Variants in MRPS33 observed in about 807,000 individuals in gnomAD.
The protein encoded by MRPS33 is mitochondrial ribosomal protein S33.
Under a neutral mutation model 11.2 loss-of-function variants are expected in MRPS33, and 11 were observed. The ratio of observed to expected loss-of-function variants is 0.99; its 90% confidence interval spans 0.62 to 1.63. The LOEUF is 1.63. Ranked by LOEUF, MRPS33 falls within the 40% of genes most tolerant of loss-of-function variation. The probability of loss-of-function intolerance (pLI) is 0.00; values close to 1 mark genes in which losing one functional copy is unlikely to be tolerated. For synonymous variants in MRPS33, 46 were observed against 44.0 expected (o/e 1.05, Z -0.18); for missense variants, 109 against 127.8 (o/e 0.85, Z 0.71).
intron 2 of MRPS33, among the ~76,000 whole-genome samples, chr7:141,008,915 C>T (rs772902277): frequency 3.1e-4 from 47 of 151,924 alleles, no homozygotes; most frequent in Non-Finnish European, 4.7e-4. Context: ...CTGCCTCAGC[C>T]TCCCAAGTAG....
chr7:141,011,253 C>A (rs1039411338), intron 1 of MRPS33, among the ~76,000 whole-genome samples: 1 of 152,180 alleles, frequency 6.6e-6, no homozygotes, highest in African/African-American at 2.4e-5. Flanking sequence ...TTGGGAAAAA[C>A]AGACAGTAGC....
intron 2 of MRPS33, chr7:141,009,803 G>GT (rs1284116070): frequency 0.064 from 8,752 of 136,736 alleles, 880 homozygotes; most frequent in African/African-American, 0.21. Flanking sequence ...TCTCTGCATT[G>GT]TTTTTTTTTT....
rs987555239 is a variant in MRPS33, at chr7:141,005,581, AC to A, written c.*848del. 1 of 152,040 alleles carries A rather than the reference AC, an allele frequency of 6.6e-6. No individual in the cohort carries two copies. The highest frequency in any genetic ancestry group is 2.4e-5 in the African/African-American group (1 of 41,364). The allele number at this position is 152,040 out of a possible 1,614,324, so 9.4% of individuals were successfully genotyped here. A position where few individuals can be genotyped will look rare whatever the true frequency, so the allele number is the denominator to read the frequency against. On this transcript the variant is annotated 3_prime_UTR_variant, in exon 3 of 3. Coordinates refer to ENST00000324787, the MANE Select transcript of MRPS33 (RefSeq NM_053035.3). Reference sequence around the variant, plus strand: ...TGGCCAAAATGGTCTCGATCTCTTGACCTTGTGATCCACCCACCTCGGCCTC... The same window carrying A: ...TGGCCAAAATGGTCTCGATCTCTTGACTTGTGATCCACCCACCTCGGCCTC...
Position 141,003,485 on chromosome 7 carries a change from G to A in MRPS33, c.*2945C>T, listed in dbSNP as rs1820453677. ...TTTCATTTCTGATTTTCAGCCTGGAGCAGTGGCACACTAATCTACTTCTGC... is the reference window on the plus strand; with the variant it reads ...TTTCATTTCTGATTTTCAGCCTGGAACAGTGGCACACTAATCTACTTCTGC... On this transcript the variant is annotated 3_prime_UTR_variant, in exon 3 of 3. Coordinates refer to ENST00000324787, the MANE Select transcript of MRPS33 (RefSeq NM_053035.3). 1 of 152,196 alleles carries A rather than the reference G, an allele frequency of 6.6e-6. No individual in the cohort carries two copies. The highest frequency in any genetic ancestry group is 1.5e-5 in the Non-Finnish European group (1 of 68,046). 9.4% of individuals were successfully genotyped at this position (152,196 alleles called of 1,614,324 possible).
chr7:141,010,571 T>G lies in MRPS33; in HGVS notation c.63A>C (p.Glu21Asp), dbSNP rs991251295. The part of the protein sequence containing the change: ...MSRLSARLFG[E>D]VTRPTNSKSM... Reference sequence around the variant, plus strand: ...ACTTGGAATTAGTAGGCCTGGTGACTTCACCAAATAGCCGGGCACTGAGAC... The same window carrying G: ...ACTTGGAATTAGTAGGCCTGGTGACGTCACCAAATAGCCGGGCACTGAGAC... Residue 21 changes from glutamate (E) to aspartate (D), a missense_variant, in exon 2 of 3, where the codon GAA becomes GAC. Glu to Asp is a conservative substitution (Grantham distance 45). Coordinates refer to ENST00000324787, the MANE Select transcript of MRPS33 (RefSeq NM_053035.3). The G allele has an allele frequency of 3.7e-6, 6 of 1,614,184 alleles. No homozygotes were observed. The highest frequency in any genetic ancestry group is 4.2e-6 in the Non-Finnish European group (5 of 1,180,028).
chr7:141,010,751 C>T (rs1265964845), intron 1 of MRPS33, 91 bp from the exon 2 acceptor site: 12 of 927,516 alleles, frequency 1.3e-5, no homozygotes, highest in Non-Finnish European at 1.9e-5. Context: ...ACACAGCAAG[C>T]CACTCATGGA....
chr7:141,014,560 C>T (rs929133653), intron 1 of MRPS33: 1 of 152,164 alleles, frequency 6.6e-6, no homozygotes, highest in African/African-American at 2.4e-5. Flanking sequence ...CCGTATTTTT[C>T]TTAAGGTGGT....
At position 141,006,175 on chromosome 7, in the gene MRPS33, A is replaced by G; in HGVS notation, c.*255T>C. 2.1e-6 allele frequency: 1 copy of G among 486,360 alleles called. No homozygotes were observed. Among genetic ancestry groups the G allele is most frequent in the Admixed American group, 3.6e-5 (1 of 27,422 alleles). 30.1% of individuals were successfully genotyped at this position (486,360 alleles called of 1,614,324 possible). On this transcript the variant is annotated 3_prime_UTR_variant, in exon 3 of 3. Transcript: ENST00000324787. Reference sequence around the variant, plus strand: ...CAAACAAATCATCAAACAATAACTTAGGTATTTATTTCATTAGAGAATCAG... The same window carrying G: ...CAAACAAATCATCAAACAATAACTTGGGTATTTATTTCATTAGAGAATCAG...
At chr7:141,014,009 T>G (rs994219938) in intron 1 of MRPS33, among the ~76,000 whole-genome samples, 1 of 152,198 alleles carries the variant, frequency 6.6e-6, no homozygotes, top group African/African-American at 2.4e-5. Flanking sequence ...TGTGTGTAAA[T>G]TGTTCTGGGA....
rs1472984606 is a variant in MRPS33 at position 141,005,605 on chromosome 7, C to G, written c.*825G>C. On this transcript the variant is annotated 3_prime_UTR_variant, in exon 3 of 3. Coordinates refer to ENST00000324787, the MANE Select transcript of MRPS33 (RefSeq NM_053035.3). ...GACCTTGTGATCCACCCACCTCGGC[C>G]TCCCAAAGTGGTGGGATTACAGGTG... 6.6e-6 allele frequency: 1 copy of G among 152,230 alleles called. No individual in the cohort carries two copies. The highest frequency in any genetic ancestry group is 1.5e-5 in the Non-Finnish European group (1 of 68,052). The allele number at this position is 152,230 out of a possible 1,614,324, so 9.4% of individuals were successfully genotyped here.
intron 1 of MRPS33, among the ~76,000 whole-genome samples, chr7:141,011,361 T>C (rs1315041166): frequency 6.6e-6 from 1 of 152,270 alleles, no homozygotes; most frequent in African/African-American, 2.4e-5. Flanking sequence ...CTCCATCTTA[T>C]ATATTCTGCT....
chr7:141,008,799 TA>T (rs961471162), intron 2 of MRPS33, among the ~76,000 whole-genome samples: 14 of 117,208 alleles, frequency 1.2e-4, no homozygotes, highest in Admixed American at 3.6e-4. Flanking sequence ...ATTAAAAAAA[TA>T]ATTTTTTTTT....
At position 141,005,247 on chromosome 7, in the gene MRPS33, A is replaced by C. The variant is rs184507894; in HGVS notation, c.*1183T>G. The C allele has an allele frequency of 6.6e-6, 1 of 152,298 alleles. No individual in the cohort carries two copies. Among genetic ancestry groups the C allele is most frequent in the Non-Finnish European group, 1.5e-5 (1 of 68,020 alleles). The allele number at this position is 152,298 out of a possible 1,614,324, so 9.4% of individuals were successfully genotyped here. On this transcript the variant is annotated 3_prime_UTR_variant, in exon 3 of 3. Transcript: ENST00000324787. Reference sequence around the variant, plus strand: ...AACAAACTCAGTGTTTCTTGAACAGACAATTTCTTCATACCTTAGGGCTTT... The same window carrying C: ...AACAAACTCAGTGTTTCTTGAACAGCCAATTTCTTCATACCTTAGGGCTTT...
At position 141,006,442 on chromosome 7, in the gene MRPS33, T is replaced by C. The variant is rs1487707705; in HGVS notation, c.309A>G (p.Ala103=). 4 of 1,612,946 alleles carry C rather than the reference T, an allele frequency of 2.5e-6. No homozygotes were observed. The highest frequency in any genetic ancestry group is 3.4e-6 in the Non-Finnish European group (4 of 1,179,940). The change falls in exon 3 of 3, where the codon GCA becomes GCG. Residue 103 remains alanine (A), a synonymous_variant. Coordinates refer to ENST00000324787, the MANE Select transcript of MRPS33 (RefSeq NM_053035.3). ...TGAGGGACCAACACTATTTCCTTTT[T>C]GCTGCTCTTTTCCCTTCTCCTTTCT... ...KPKKGEGKRA[A]KRK is the part of the protein sequence containing the mutation.
Position 141,010,651 on chromosome 7 carries a change from G to A in MRPS33, c.-18C>T, listed in dbSNP as rs914859038. The stretch of plus-strand genomic sequence containing the variant: ...GAGGACATTTCTTGAGTGGCAAGGA[G>A]TTAGAGTTCCTATTGAAAATGAGAA... On this transcript the variant is annotated 5_prime_UTR_variant, in exon 2 of 3. Coordinates refer to ENST00000324787, the MANE Select transcript of MRPS33 (RefSeq NM_053035.3). 43 of 1,604,734 alleles carry A rather than the reference G, an allele frequency of 2.7e-5. No individual in the cohort carries two copies. The highest frequency in any genetic ancestry group is 3.3e-5 in the Non-Finnish European group (39 of 1,171,814).
At chr7:141,012,069 G>A (rs977940730) in intron 1 of MRPS33, among the ~76,000 whole-genome samples, 2 of 151,444 alleles carry the variant, frequency 1.3e-5, no homozygotes, top group Non-Finnish European at 2.9e-5. Flanking sequence ...ACTCGTGGAG[G>A]CTGAGGAGGG....
chr7:141,006,355 T>C lies in MRPS33; in HGVS notation c.*75A>G, dbSNP rs752501566. On this transcript the variant is annotated 3_prime_UTR_variant, in exon 3 of 3. Transcript: ENST00000324787. ...ATTTAGGAAGATGACATTCCTCCAA[T>C]AGGTGGAAAGACAATAAATGCACTT... 45 of 1,227,352 alleles carry C rather than the reference T, an allele frequency of 3.7e-5. No homozygotes were observed. The highest frequency in any genetic ancestry group is 5.2e-5 in the Non-Finnish European group (44 of 847,742). The allele number at this position is 1,227,352 out of a possible 1,614,324, so 76.0% of individuals were successfully genotyped here.
At chr7:141,009,456 T>C (rs983899395) in intron 2 of MRPS33, among the ~76,000 whole-genome samples, 2 of 151,090 alleles carry the variant, frequency 1.3e-5, no homozygotes, top group African/African-American at 4.9e-5. Context: ...TTTTCAGAGA[T>C]GCACACAGTT....
intron 2 of MRPS33, 170 bp downstream of exon 2, chr7:141,010,249 C>A: frequency 4.9e-6 from 3 of 607,824 alleles, no homozygotes; most frequent in South Asian, 2.1e-5. Flanking sequence ...TTTTTGGTCT[C>A]TCCATTATGG....
Sources: allele counts gnomAD v4.1 joint callset (sites outside exome capture counted in the v4.1 genomes callset), GRCh38; gene constraint gnomAD v4.1.1; transcripts MANE v1.5; gene names NCBI Gene and HGNC (gene_info 2026-07-23, HGNC 2026-07-21).